The following GLB1L2 variants were observed in gnomAD, a reference collection of about 807,000 sequenced individuals.
GLB1L2 encodes the protein galactosidase beta 1 like 2, also known as beta-galactosidase-1-like protein 2.
Under a neutral mutation model 84.1 loss-of-function variants are expected in GLB1L2, and 68 were observed. The observed-to-expected ratio is 0.81, with a 90% CI of 0.67 to 0.99. GLB1L2 has a LOEUF of 0.99. Among genes scored for constraint, GLB1L2 ranks in the 50% least tolerant of loss-of-function variants. The pLI, the probability that GLB1L2 is intolerant of heterozygous loss-of-function variation, is 0.00. For synonymous variants in GLB1L2, 290 were observed against 318.0 expected, an observed-to-expected ratio of 0.91 and a Z score of 0.94; for missense variants, 762 against 805.6, an observed-to-expected ratio of 0.95 and a Z score of 0.66.
intron 18 of GLB1L2, 90 bp from the exon 19 acceptor site, chr11:134,374,882 C>A: frequency 7.4e-7 from 1 of 1,348,812 alleles, no homozygotes; most frequent in Non-Finnish European, 1.0e-6. Flanking sequence ...GTTCCCAAAC[C>A]CTTTCCTTCT....
chr11:134,344,320 A>C, intron 2 of GLB1L2, 67 bp from the exon 3 acceptor site: 2 of 1,579,962 alleles, frequency 1.3e-6, no homozygotes, highest in Middle Eastern at 1.7e-4. Context: ...GGGCTAAAGA[A>C]GGTAATGTGA....
intron 6 of GLB1L2, among the ~76,000 whole-genome samples, chr11:134,358,340 A>G (rs1673357199): frequency 6.6e-6 from 1 of 152,218 alleles, no homozygotes; most frequent in Non-Finnish European, 1.5e-5. Flanking sequence ...GCGCGTCTCT[A>G]CTGTGAAGAC....
chr11:134,335,203 G>A (rs1008491914), intron 1 of GLB1L2, among the ~76,000 whole-genome samples: 3 of 150,574 alleles, frequency 2.0e-5, no homozygotes, highest in Non-Finnish European at 4.4e-5. Flanking sequence ...TCCTGAACAA[G>A]GTGGCTAACT....
At chr11:134,374,810 C>T (rs1010086052) in intron 18 of GLB1L2, 92 bp downstream of exon 18, 38 of 1,190,218 alleles carry the variant, frequency 3.2e-5, no homozygotes, top group Middle Eastern at 2.4e-4. Context: ...GGCGTGTCAG[C>T]GGGTTCTTCC....
Position 134,357,519 on chromosome 11 carries a change from G to A in GLB1L2, c.651+1126G>A, listed in dbSNP as rs184464864. On this transcript the variant is annotated intron_variant, in intron 6 of 18. Coordinates refer to ENST00000535456, the MANE Select transcript of GLB1L2 (RefSeq NM_001370461.1). ...CCCATCCCAGCACAGGACTTGAAGC[G>A]TCTCCTGCGATACCCCATTCCCGCA... Among the ~76,000 whole-genome samples the A allele has an allele frequency of 1.2e-3, 177 of 152,340 alleles. 2 individuals carry two copies. Among genetic ancestry groups the A allele is most frequent in the Admixed American group, 7.3e-3 (112 of 15,306 alleles).
In GLB1L2 at chr11:134,342,815, A is replaced by G; in HGVS notation, c.148A>G (p.Lys50Glu). The G allele has an allele frequency of 6.2e-7, 1 of 1,614,016 alleles. No individual in the cohort carries two copies. Among genetic ancestry groups the G allele is most frequent in the East Asian group, 2.2e-5 (1 of 44,868 alleles). Residue 50 changes from lysine (K) to glutamate (E), a missense_variant, in exon 2 of 19, where the codon AAG becomes GAG. By Grantham distance (56) the Lys-to-Glu change is moderately conservative. Coordinates refer to ENST00000535456, the MANE Select transcript of GLB1L2 (RefSeq NM_001370461.1). ...LRHRQLGLQA[K>E]GWNFMLEDST... is the part of the protein sequence containing the mutation. ...CCATCGACAGCTGGGGCTGCAGGCC[A>G]AGGGCTGGAACTTCATGCTGGAGGA...
At position 134,371,076 on chromosome 11, in the gene GLB1L2, C is replaced by T. The variant is rs764919690; in HGVS notation, c.1284C>T (p.Phe428=). The T allele has an allele frequency of 1.5e-5, 25 of 1,614,008 alleles. 1 individual carries two copies. Among genetic ancestry groups the T allele is most frequent in the South Asian group, 3.3e-5 (3 of 91,080 alleles). The change falls in exon 13 of 19, where the codon TTC becomes TTT. Residue 428 remains phenylalanine (F), a synonymous_variant. Transcript: ENST00000535456. Reference sequence around the variant, plus strand: ...TCAATGGGGGAAATGGACAGTCCTTCGGGTACATTCTCTATGAGACCAGCA... The same window carrying T: ...TCAATGGGGGAAATGGACAGTCCTTTGGGTACATTCTCTATGAGACCAGCA... ...LPVNGGNGQS[F]GYILYETSIT...
At chr11:134,373,933 C>T (rs1045589149) in intron 16 of GLB1L2, 125 bp downstream of exon 16, 17 of 803,574 alleles carry the variant, frequency 2.1e-5, no homozygotes, top group South Asian at 1.3e-4. Context: ...GGGGCCAGAT[C>T]GGCTGGCCGA....
chr11:134,351,029 G>A (rs545596215), intron 5 of GLB1L2, among the ~76,000 whole-genome samples: 6 of 152,202 alleles, frequency 3.9e-5, no homozygotes, highest in Non-Finnish European at 5.9e-5. Flanking sequence ...TTTTTTTCTT[G>A]ACTAATTGCT....
At chr11:134,372,507 C>G (rs763019783) in intron 15 of GLB1L2, 4 of 152,144 alleles carry the variant, frequency 2.6e-5, no homozygotes, top group Non-Finnish European at 5.9e-5. Flanking sequence ...GCCTCAGCCT[C>G]CCGAGTAGCT....
intron 5 of GLB1L2, among the ~76,000 whole-genome samples, chr11:134,352,273 T>A (rs1055412149): frequency 6.6e-6 from 1 of 152,210 alleles, no homozygotes. Context: ...TAATCGTTTT[T>A]ATTTCTGTAA....
rs769435338 is a variant in GLB1L2 at position 134,370,335 on chromosome 11, C to T, written c.1151C>T (p.Pro384Leu). ...PPPPDLLPKM[P>L]YEPLTPVLYL... ...CCACCTGACCTTCTTCCCAAGATGCCGTATGAGCCCTTAACGCCAGTCTTG... is the reference window on the plus strand; with the variant it reads ...CCACCTGACCTTCTTCCCAAGATGCTGTATGAGCCCTTAACGCCAGTCTTG... Residue 384 changes from proline to leucine, a missense_variant, in exon 12 of 19, where the codon CCG becomes CTG. Pro to Leu is a moderately conservative substitution (Grantham distance 98). Coordinates refer to ENST00000535456, the MANE Select transcript of GLB1L2 (RefSeq NM_001370461.1). This position sits in a 1 kb window ranked among gnomAD's most constrained non-coding sequence, Gnocchi z 4.7. The T allele has an allele frequency of 2.2e-5, 35 of 1,613,736 alleles. No homozygotes were observed. Among genetic ancestry groups the T allele is most frequent in the Middle Eastern group, 1.6e-4 (1 of 6,084 alleles).
chr11:134,371,452 T>C lies in GLB1L2; in HGVS notation c.1388T>C (p.Leu463Ser). 1.2e-6 allele frequency: 2 copies of C among 1,602,832 alleles called. No homozygotes were observed. The highest frequency in any genetic ancestry group is 1.7e-6 in the Non-Finnish European group (2 of 1,169,672). ...GTGAACACAGTATCCATAGGATTCT[T>C]GGACTACAAGACAACGAAGATTGCT... ...VFVNTVSIGF[L>S]DYKTTKIAVP... Residue 463 changes from leucine (L) to serine (S), a missense_variant, in exon 14 of 19, where the codon TTG becomes TCG. This residue lies in a region of GLB1L2 where 603 missense variants were observed against 611.7 expected (regional missense o/e 0.99). Coordinates refer to ENST00000535456, the MANE Select transcript of GLB1L2 (RefSeq NM_001370461.1).
chr11:134,342,782 C>A lies in GLB1L2; in HGVS notation c.115C>A (p.Arg39=), dbSNP rs371546076. 1 of 1,613,818 alleles carries A rather than the reference C, an allele frequency of 6.2e-7. No individual in the cohort carries two copies. The highest frequency in any genetic ancestry group is 8.5e-7 in the Non-Finnish European group (1 of 1,180,000). Reference sequence around the variant, plus strand: ...GGACTGGAGCACCCTGGTCCCTCTGCGGCTCCGCCATCGACAGCTGGGGCT... The same window carrying A: ...GGACTGGAGCACCCTGGTCCCTCTGAGGCTCCGCCATCGACAGCTGGGGCT... The part of the protein sequence containing the change: ...RLDWSTLVPL[R]LRHRQLGLQA... Residue 39 remains arginine (R), a synonymous_variant, in exon 2 of 19, where the codon CGG becomes AGG. Coordinates refer to ENST00000535456, the MANE Select transcript of GLB1L2 (RefSeq NM_001370461.1).
In GLB1L2 at chr11:134,364,211, G is replaced by A. The variant is rs74238194; in HGVS notation, c.734-117G>A. ...TGACTTCTAACTGGAGGTGGGAAAC[G>A]GTGTCAGGGCCGCTTACTTTATTGT... On this transcript the variant is annotated intron_variant, in intron 7 of 18. Transcript: ENST00000535456. 1,272 of 761,750 alleles carry A rather than the reference G, an allele frequency of 1.7e-3. 30 individuals are homozygous for A. The East Asian group carries it at 0.03, about 18-fold the overall frequency. 47.2% of individuals were successfully genotyped at this position (761,750 alleles called of 1,614,324 possible). A position where few individuals can be genotyped will look rare whatever the true frequency, so the allele number is the denominator to read the frequency against.
intron 9 of GLB1L2, 91 bp downstream of exon 9, chr11:134,367,432 G>C (rs559012968): frequency 1.0e-5 from 11 of 1,056,632 alleles, no homozygotes; most frequent in East Asian, 1.0e-4. Flanking sequence ...TAAGCCATAG[G>C]GGGTGCAAGG....
At chr11:134,366,383 G>T (rs1943867723) in intron 8 of GLB1L2, among the ~76,000 whole-genome samples, 3 of 152,172 alleles carry the variant, frequency 2.0e-5, no homozygotes, top group African/African-American at 7.2e-5. Flanking sequence ...CCGTGAGTTT[G>T]TCCCATCCCC....
Position 134,373,661 on chromosome 11 carries a change from G to A in GLB1L2, c.1508-60G>A, listed in dbSNP as rs528429949. 3.0e-4 allele frequency: 338 copies of A among 1,134,064 alleles called. No homozygotes were observed. In the African/African-American group the frequency reaches 3.6e-3, roughly 12 times the overall value. The allele number at this position is 1,134,064 out of a possible 1,614,324, so 70.3% of individuals were successfully genotyped here. On this transcript the variant is annotated intron_variant, in intron 15 of 18. Transcript: ENST00000535456. ...TCCCAGGGCTTCCCCTCGTGGCCCC[G>A]GCCCAGCTGACTCGGCCCCTGCCTT...
chr11:134,360,205 C>G (rs941018977), intron 7 of GLB1L2: 3 of 152,428 alleles, frequency 2.0e-5, no homozygotes, highest in Non-Finnish European at 2.9e-5. Context: ...TGTGTCTGCT[C>G]TGGCACATTC....
Sources: allele counts gnomAD v4.1 joint callset (sites outside exome capture counted in the v4.1 genomes callset), GRCh38; gene constraint gnomAD v4.1.1; regional missense constraint gnomAD v4.1.1; non-coding constraint Gnocchi (gnomAD v3.1); transcripts MANE v1.5; gene names NCBI Gene and HGNC (gene_info 2026-07-23, HGNC 2026-07-21).